Variants in PSME4 observed in about 807,000 individuals in gnomAD.
The protein encoded by PSME4 is proteasome activator complex subunit 4.
In PSME4, 89 loss-of-function variants were observed where a neutral mutation model predicts 253.9. The ratio of observed to expected loss-of-function variants is 0.35; its 90% CI spans 0.30 to 0.42. The LOEUF is 0.42. Among genes scored for constraint, PSME4 ranks in the 10% least tolerant of loss-of-function variants. PSME4 has a pLI of 1.00. For missense variants in PSME4, 2,014 were observed against 2,195.2 expected (o/e 0.92, Z 1.65); for synonymous variants, 851 against 759.2 (o/e 1.12, Z -1.99).
At chr2:53,889,328 C>T (rs1679790567) in intron 37 of PSME4, among the ~76,000 whole-genome samples, 1 of 152,260 alleles carries the variant, frequency 6.6e-6, no homozygotes, top group East Asian at 1.9e-4. Context: ...TGCACATCCT[C>T]CTGTACACTT....
chr2:53,874,799 G>C (rs1434413728), intron 42 of PSME4, among the ~76,000 whole-genome samples: 1 of 152,148 alleles, frequency 6.6e-6, no homozygotes, highest in Non-Finnish European at 1.5e-5. Flanking sequence ...ACTAAAATTA[G>C]CTGGGTGTGG....
At chr2:53,962,413 A>C (rs1051818688) in intron 1 of PSME4, among the ~76,000 whole-genome samples, 3 of 151,942 alleles carry the variant, frequency 2.0e-5, no homozygotes, top group East Asian at 1.9e-4. Flanking sequence ...AAAAAAAAAA[A>C]CAGTAAAAAT....
chr2:53,920,703 G>T (rs1417740986), intron 18 of PSME4, among the ~76,000 whole-genome samples, 186 bp downstream of exon 18: 1 of 152,080 alleles, frequency 6.6e-6, no homozygotes, highest in Non-Finnish European at 1.5e-5. Context: ...ATATCAATAG[G>T]AAAGAAAACT....
At chr2:53,891,219 A>C (rs1424880755) in intron 36 of PSME4, among the ~76,000 whole-genome samples, 1 of 152,318 alleles carries the variant, frequency 6.6e-6, no homozygotes, top group South Asian at 2.1e-4. Flanking sequence ...TTCAAATTCC[A>C]AGTCTTGGAT....
intron 1 of PSME4, among the ~76,000 whole-genome samples, chr2:53,956,824 A>G (rs1452367374): frequency 6.6e-6 from 1 of 152,164 alleles, no homozygotes; most frequent in Non-Finnish European, 1.5e-5. Flanking sequence ...AAAATCAGAT[A>G]ATCAATATTT....
chr2:53,866,713 A>G, intron 45 of PSME4, 34 bp downstream of exon 45: 1 of 1,585,296 alleles, frequency 6.3e-7, no homozygotes, highest in Non-Finnish European at 8.6e-7. Context: ...CATCACTGAT[A>G]ATACACGTAC....
chr2:53,905,013 T>C (rs1040693850), intron 26 of PSME4, among the ~76,000 whole-genome samples: 3 of 145,840 alleles, frequency 2.1e-5, no homozygotes, highest in Non-Finnish European at 4.5e-5. Flanking sequence ...GAGTTTGAAA[T>C]ATGTACAATG....
chr2:53,960,309 G>A (rs1670423662), intron 1 of PSME4, among the ~76,000 whole-genome samples: 1 of 151,724 alleles, frequency 6.6e-6, no homozygotes, highest in South Asian at 2.1e-4. Flanking sequence ...TGAGGTGGGA[G>A]GATCACTTGA....
intron 27 of PSME4, 101 bp downstream of exon 27, chr2:53,903,924 A>C: frequency 1.1e-6 from 1 of 937,474 alleles, no homozygotes; most frequent in East Asian, 2.5e-5. Flanking sequence ...TAAATACAGA[A>C]TCTCAGTGGT....
chr2:53,961,817 C>T (rs540644844), intron 1 of PSME4, among the ~76,000 whole-genome samples: 1 of 152,190 alleles, frequency 6.6e-6, no homozygotes, highest in Admixed American at 6.5e-5. Context: ...AGCAGTTTTG[C>T]CAGGAGAGTA....
chr2:53,928,047 C>T (rs1275820966), intron 11 of PSME4, 70 bp downstream of exon 11: 31 of 1,262,750 alleles, frequency 2.5e-5, no homozygotes, highest in Non-Finnish European at 3.4e-5. Context: ...ACTTCTCCAA[C>T]CTTTTGTCAC....
chr2:53,932,521 AG>A lies in PSME4; in HGVS notation c.1050+146del. 7.4e-6 allele frequency: 5 copies of A among 674,728 alleles called. No homozygotes were observed. The South Asian group carries it at 9.6e-5, about 13-fold the overall frequency. 41.8% of individuals were successfully genotyped at this position (674,728 alleles called of 1,614,324 possible). On this transcript the variant is annotated intron_variant, in intron 9 of 46. Transcript: ENST00000404125. ...ATTTAATTTATATGCTCTCCCACAC[AG>A]TAATTTAATTTAAATGTAAGCATTT...
chr2:53,906,574 G>A (rs771641919), intron 26 of PSME4, 24 bp downstream of exon 26: 1 of 1,517,844 alleles, frequency 6.6e-7, no homozygotes, highest in Non-Finnish European at 8.8e-7. Context: ...GGGCATGAGA[G>A]TGCAGCGTTT....
At chr2:53,940,604 T>C (rs1305851714) in intron 3 of PSME4, among the ~76,000 whole-genome samples, 1 of 151,906 alleles carries the variant, frequency 6.6e-6, no homozygotes, top group Non-Finnish European at 1.5e-5. Context: ...AACATAAAAA[T>C]GTGTGTATGA....
At chr2:53,933,642 A>G (rs1668963880) in intron 8 of PSME4, among the ~76,000 whole-genome samples, 1 of 152,196 alleles carries the variant, frequency 6.6e-6, no homozygotes, top group Admixed American at 6.5e-5. Flanking sequence ...TCGGCTTCCC[A>G]AAGTGCTAGG....
At chr2:53,950,248 C>G (rs1450765600) in intron 1 of PSME4, among the ~76,000 whole-genome samples, 1 of 151,580 alleles carries the variant, frequency 6.6e-6, no homozygotes, top group Non-Finnish European at 1.5e-5. Context: ...CCACTATGCT[C>G]CATCTAGCCT....
intron 20 of PSME4, among the ~76,000 whole-genome samples, chr2:53,911,583 C>T (rs556793828): frequency 6.6e-6 from 1 of 152,118 alleles, no homozygotes; most frequent in African/African-American, 2.4e-5. Context: ...AAGAGAGTTC[C>T]CACCCTCCCC....
At chr2:53,916,281 C>A (rs148642718) in intron 20 of PSME4, among the ~76,000 whole-genome samples, 61 of 149,958 alleles carry the variant, frequency 4.1e-4, no homozygotes, top group Non-Finnish European at 8.9e-5. Flanking sequence ...TTGCTATGTG[C>A]GTCTAAAAAC....
intron 20 of PSME4, among the ~76,000 whole-genome samples, chr2:53,918,816 C>T (rs761622791): frequency 4.6e-5 from 7 of 151,998 alleles, no homozygotes; most frequent in Non-Finnish European, 8.8e-5. Context: ...TCAACATTTG[C>T]TACAGTCAAA....
Sources: gnomAD v4.1 joint callset for allele counts (sites outside exome capture counted in the v4.1 genomes callset) on GRCh38, gnomAD v4.1.1 for gene constraint, MANE v1.5 for transcripts, NCBI Gene and HGNC (gene_info 2026-07-23, HGNC 2026-07-21) for gene names.